Variants in AFG1L observed in about 807,000 individuals in gnomAD.
The protein encoded by AFG1L is AFG1 like ATPase, also known as AFG1-like ATPase.
AFG1L carries 53 observed loss-of-function variants against 62.2 expected under a neutral mutation model. The observed-to-expected ratio is 0.85, with a 90% CI of 0.68 to 1.07. AFG1L has a LOEUF of 1.07. AFG1L is among the 50% of genes least tolerant of loss of function. The pLI, the probability that AFG1L is intolerant of heterozygous loss-of-function variation, is 0.00. For synonymous variants in AFG1L, 228 were observed against 210.3 expected (o/e 1.08, Z -0.73); for missense variants, 555 against 590.5 (o/e 0.94, Z 0.62).
Position 108,374,913 on chromosome 6 carries a change from G to T in AFG1L, c.748+8581G>T, listed in dbSNP as rs548039982. 5.3e-5 allele frequency among the ~76,000 whole-genome samples: 8 copies of T among 152,244 alleles called. No individual in the cohort carries two copies. In the South Asian group the frequency reaches 1.7e-3, roughly 32 times the overall value. On this transcript the variant is annotated intron_variant, in intron 6 of 12. Transcript: ENST00000368977. Reference sequence around the variant, plus strand: ...AGGAATAGCATTGAATTCATAGATTGCTTTGGGCAGTATGGCCATTTTAAT... The same window carrying T: ...AGGAATAGCATTGAATTCATAGATTTCTTTGGGCAGTATGGCCATTTTAAT...
At chr6:108,509,443 C>T (rs374113165) in intron 10 of AFG1L, among the ~76,000 whole-genome samples, 2 of 152,258 alleles carry the variant, frequency 1.3e-5, no homozygotes, top group South Asian at 4.1e-4. Context: ...TACTGAAGCA[C>T]AGTCTTTATT....
intron 2 of AFG1L, among the ~76,000 whole-genome samples, chr6:108,331,362 A>G (rs1778272748): frequency 6.6e-6 from 1 of 152,138 alleles, no homozygotes; most frequent in Non-Finnish European, 1.5e-5. Context: ...CCCTCATTAT[A>G]CTCCTAAGAA....
rs1032843885 is a variant in AFG1L, at chr6:108,522,714, C to A, written c.*289C>A. 5.2e-6 allele frequency: 1 copy of A among 193,466 alleles called. No individual in the cohort carries two copies. The highest frequency in any genetic ancestry group is 1.1e-5 in the Non-Finnish European group (1 of 93,848). The allele number at this position is 193,466 out of a possible 1,614,324, so 12.0% of individuals were successfully genotyped here. A position where few individuals can be genotyped will look rare whatever the true frequency, so the allele number is the denominator to read the frequency against. ...GACATTTTAGCTTCACATTAAACCA[C>A]CTGAATGAACCTTGAATGCACAAGT... On this transcript the variant is annotated 3_prime_UTR_variant, in exon 13 of 13. Transcript: ENST00000368977.
At chr6:108,414,400 G>A (rs959058351) in intron 7 of AFG1L, among the ~76,000 whole-genome samples, 1 of 152,106 alleles carries the variant, frequency 6.6e-6, no homozygotes, top group African/African-American at 2.4e-5. Context: ...GAAAAAGAGG[G>A]AATCCTCCCT....
At chr6:108,437,774 A>G (rs1771374383) in intron 7 of AFG1L, among the ~76,000 whole-genome samples, 1 of 152,074 alleles carries the variant, frequency 6.6e-6, no homozygotes, top group Non-Finnish European at 1.5e-5. Flanking sequence ...GATGGGAGGG[A>G]GAGGTGGAGG....
At chr6:108,420,728 T>A (rs1376151118) in intron 7 of AFG1L, among the ~76,000 whole-genome samples, 1 of 151,886 alleles carries the variant, frequency 6.6e-6, no homozygotes, top group African/African-American at 2.4e-5. Context: ...AAAATAAAAA[T>A]AAAGATTTTT....
chr6:108,506,899 A>T (rs1265433590), intron 10 of AFG1L, among the ~76,000 whole-genome samples: 2 of 152,090 alleles, frequency 1.3e-5, no homozygotes, highest in Non-Finnish European at 2.9e-5. Flanking sequence ...CCTATTTATT[A>T]TTCTCTTTTT....
At chr6:108,486,117 G>A (rs1304770428) in intron 10 of AFG1L, among the ~76,000 whole-genome samples, 2 of 152,168 alleles carry the variant, frequency 1.3e-5, no homozygotes, top group East Asian at 3.8e-4. Flanking sequence ...GATTGGTAAA[G>A]TGCTGAGAGA....
intron 11 of AFG1L, among the ~76,000 whole-genome samples, chr6:108,513,223 G>T (rs984765772): frequency 6.6e-6 from 1 of 152,214 alleles, no homozygotes; most frequent in Admixed American, 6.5e-5. Context: ...ATTTCTAACT[G>T]AGGTACTGGG....
chr6:108,438,962 G>A (rs1430661576), intron 7 of AFG1L, among the ~76,000 whole-genome samples: 2 of 152,140 alleles, frequency 1.3e-5, no homozygotes, highest in Admixed American at 6.5e-5. Flanking sequence ...CAGGCCGTGT[G>A]GTCTGCTCTA....
chr6:108,368,257 G>A (rs1157152055), intron 6 of AFG1L, among the ~76,000 whole-genome samples: 2 of 150,048 alleles, frequency 1.3e-5, no homozygotes, highest in African/African-American at 4.9e-5. Flanking sequence ...TTTTTTTTTG[G>A]CTATCCCTAC....
chr6:108,494,978 T>C (rs1473356376), intron 10 of AFG1L, among the ~76,000 whole-genome samples: 2 of 152,076 alleles, frequency 1.3e-5, no homozygotes, highest in African/African-American at 4.8e-5. Flanking sequence ...TTTCACCATG[T>C]TGGCCAGGCT....
intron 2 of AFG1L, among the ~76,000 whole-genome samples, chr6:108,345,666 G>C (rs1378112773): frequency 6.7e-6 from 1 of 149,726 alleles, no homozygotes; most frequent in African/African-American, 2.5e-5. Context: ...TTTTTTTTTT[G>C]ATGTCTGAAT....
At chr6:108,473,113 A>T (rs990170665) in intron 8 of AFG1L, among the ~76,000 whole-genome samples, 5 of 152,136 alleles carry the variant, frequency 3.3e-5, no homozygotes, top group African/African-American at 9.7e-5. Flanking sequence ...CACCAATAAA[A>T]TTTTTTATTT....
At chr6:108,395,831 A>AGG (rs1489745919) in intron 6 of AFG1L, among the ~76,000 whole-genome samples, 1 of 150,690 alleles carries the variant, frequency 6.6e-6, no homozygotes, top group Non-Finnish European at 1.5e-5. Context: ...AGAGAGAGGG[A>AGG]GAGAGATAGA....
At chr6:108,470,808 T>C (rs1175893738) in intron 8 of AFG1L, among the ~76,000 whole-genome samples, 1 of 152,180 alleles carries the variant, frequency 6.6e-6, no homozygotes, top group African/African-American at 2.4e-5. Context: ...TGAAATCTGG[T>C]ACTATTTTTG....
intron 1 of AFG1L, among the ~76,000 whole-genome samples, chr6:108,299,762 A>G (rs1426223120): frequency 6.6e-6 from 1 of 152,118 alleles, no homozygotes; most frequent in Non-Finnish European, 1.5e-5. Context: ...GCATAATGAG[A>G]CCCTGTCTCT....
At chr6:108,402,100 G>A (rs1402329187) in intron 7 of AFG1L, 46 bp downstream of exon 7, 4 of 916,344 alleles carry the variant, frequency 4.4e-6, no homozygotes, top group African/African-American at 1.7e-5. Context: ...CATACTTATT[G>A]ATAATCAAGG....
intron 8 of AFG1L, among the ~76,000 whole-genome samples, chr6:108,470,875 C>T (rs536009943): frequency 3.9e-5 from 6 of 152,250 alleles, no homozygotes; most frequent in African/African-American, 1.4e-4. Context: ...AGGAGGAGAT[C>T]GACAGGAACA....
Sources: allele counts gnomAD v4.1 joint callset (sites outside exome capture counted in the v4.1 genomes callset), GRCh38; gene constraint gnomAD v4.1.1; transcripts MANE v1.5; gene names NCBI Gene and HGNC (gene_info 2026-07-23, HGNC 2026-07-21).